PLD3: variants seen among roughly 807,000 people sequenced by gnomAD.
PLD3 encodes the protein phospholipase D family member 3, also known as 5'-3' exonuclease PLD3.
In PLD3, 31 loss-of-function variants were observed where a neutral mutation model predicts 58.4. That is an observed-to-expected ratio of 0.53 (90% CI 0.40 to 0.72). The LOEUF (loss-of-function observed/expected upper bound fraction) is 0.72. Ranked by LOEUF, PLD3 falls within the 30% of genes least tolerant of loss-of-function variation. The pLI is 0.00. For synonymous variants in PLD3, 264 were observed against 273.4 expected, an observed-to-expected ratio of 0.97 and a Z score of 0.34; for missense variants, 595 against 659.8, an observed-to-expected ratio of 0.90 and a Z score of 1.08.
Position 40,367,838 on chromosome 19 carries a change from A to C in PLD3, c.388A>C (p.Thr130Pro), listed in dbSNP as rs1600308253. Residue 130 changes from threonine (T) to proline (P), a missense_variant, in exon 6 of 13, where the codon ACC becomes CCC. Thr to Pro is a conservative substitution (Grantham distance 38). Transcript: ENST00000409735. Reference protein sequence around the residue: ...LDIASFYWTLTNNDTHTQEPS... With the variant: ...LDIASFYWTLPNNDTHTQEPS... ...CATCGCCTCCTTCTACTGGACCCTCACCAACAATGACACCCACACGCAGGA... is the reference window on the plus strand; with the variant it reads ...CATCGCCTCCTTCTACTGGACCCTCCCCAACAATGACACCCACACGCAGGA... The C allele has an allele frequency of 6.3e-7, 1 of 1,580,298 alleles. No individual in the cohort carries two copies. Among genetic ancestry groups the C allele is most frequent in the Non-Finnish European group, 8.6e-7 (1 of 1,164,884 alleles).
intron 1 of PLD3, among the ~76,000 whole-genome samples, chr19:40,351,715 G>A (rs1450422970): frequency 6.6e-6 from 1 of 152,180 alleles, no homozygotes; most frequent in Non-Finnish European, 1.5e-5. Flanking sequence ...TTGGAGGGGT[G>A]ATGGGGCACA....
intron 8 of PLD3, 24 bp downstream of exon 8, chr19:40,370,261 T>C (rs1389937227): frequency 6.2e-7 from 1 of 1,602,616 alleles, no homozygotes; most frequent in East Asian, 2.2e-5. Context: ...CTGTCTACCT[T>C]CCTTCCAGGC....
At chr19:40,366,737 C>A (rs562445834) in intron 4 of PLD3, 36 bp from the exon 5 acceptor site, 2 of 1,613,938 alleles carry the variant, frequency 1.2e-6, no homozygotes, top group Non-Finnish European at 1.7e-6. Flanking sequence ...TGGGCTGCCC[C>A]CCTCGGGCTG....
chr19:40,367,955 G>T (rs2078971029), intron 6 of PLD3, 76 bp downstream of exon 6: 3 of 1,271,678 alleles, frequency 2.4e-6, no homozygotes, highest in Non-Finnish European at 3.2e-6. Context: ...GAATGAAGGG[G>T]TTTCTCCTGC....
chr19:40,375,406 T>C (rs1020856399), intron 10 of PLD3, among the ~76,000 whole-genome samples: 2 of 151,634 alleles, frequency 1.3e-5, no homozygotes, highest in African/African-American at 2.4e-5. Context: ...ATCCCAGCAC[T>C]TTGGGAGGCT....
chr19:40,349,031 CT>C (rs2145646984), intron 1 of PLD3, among the ~76,000 whole-genome samples: 1 of 152,154 alleles, frequency 6.6e-6, no homozygotes, highest in African/African-American at 2.4e-5. Context: ...CACAACTCCT[CT>C]TGTTGTCATC....
chr19:40,366,764 T>A lies in PLD3; in HGVS notation c.103-9T>A, dbSNP rs1283122032. 7 of 1,613,764 alleles carry A rather than the reference T, an allele frequency of 4.3e-6. No individual in the cohort carries two copies. Among genetic ancestry groups the A allele is most frequent in the Non-Finnish European group, 5.9e-6 (7 of 1,179,892 alleles). On this transcript the variant is annotated splice_polypyrimidine_tract_variant and intron_variant, in intron 4 of 12. Coordinates refer to ENST00000409735, the MANE Select transcript of PLD3 (RefSeq NM_012268.4). Reference sequence around the variant, plus strand: ...CTCGGGCTGGCTGACCACCTCCTCCTCCCCACAGAAAGCCCGCTGGGTCCT... The same window carrying A: ...CTCGGGCTGGCTGACCACCTCCTCCACCCCACAGAAAGCCCGCTGGGTCCT...
In PLD3 at chr19:40,371,794, G is replaced by A. The variant is rs376721960; in HGVS notation, c.800G>A (p.Arg267Gln). The A allele has an allele frequency of 1.0e-4, 161 of 1,613,986 alleles. No individual in the cohort carries two copies. The highest frequency in any genetic ancestry group is 1.3e-4 in the Non-Finnish European group (156 of 1,180,030). ...AGSSIPSTWP[R>Q]FYDTRYNQET... ...AGCTCCATCCCATCAACTTGGCCCC[G>A]GTTCTATGACACCCGCTACAACCAA... The change falls in exon 9 of 13, where the codon CGG becomes CAG. Residue 267 changes from arginine (R) to glutamine (Q), a missense_variant. Arg to Gln is a conservative substitution (Grantham distance 43, BLOSUM62 1). Coordinates refer to ENST00000409735, the MANE Select transcript of PLD3 (RefSeq NM_012268.4).
chr19:40,371,966 C>T (rs1425706314), intron 9 of PLD3, 93 bp downstream of exon 9: 6 of 1,022,430 alleles, frequency 5.9e-6, no homozygotes, highest in African/African-American at 1.6e-5. Context: ...ACAGGGAGGG[C>T]GTATCCTGAC....
At chr19:40,370,406 C>G (rs371390278) in intron 8 of PLD3, 169 bp downstream of exon 8, 2 of 688,826 alleles carry the variant, frequency 2.9e-6, no homozygotes, top group East Asian at 2.9e-5. Context: ...TGCACGGTGG[C>G]TCACACCTAT....
chr19:40,366,794 G>T lies in PLD3; in HGVS notation c.124G>T (p.Val42Phe). Residue 42 changes from valine (V) to phenylalanine (F), a missense_variant, in exon 5 of 13, where the codon GTC becomes TTC. Physicochemically the swap from Val to Phe is conservative, Grantham distance 50 (BLOSUM62 -1). Transcript: ENST00000409735. ...AEKKARWVLL[V>F]LILAVVGFGA... The stretch of plus-strand genomic sequence containing the variant: ...ACAGAAAGCCCGCTGGGTCCTGCTG[G>T]TCCTCATTCTGGCGGTTGTGGGCTT... 6.2e-7 allele frequency: 1 copy of T among 1,613,990 alleles called. No individual in the cohort carries two copies. Among genetic ancestry groups the T allele is most frequent in the Non-Finnish European group, 8.5e-7 (1 of 1,179,914 alleles).
At chr19:40,376,297 G>A (rs1021631481) in intron 10 of PLD3, 19 of 277,636 alleles carry the variant, frequency 6.8e-5, no homozygotes, top group Non-Finnish European at 1.2e-4. Flanking sequence ...AGAGGTTGCA[G>A]TGAGCCGAGA....
At chr19:40,372,649 T>G (rs143684404) in intron 9 of PLD3, among the ~76,000 whole-genome samples, 1 of 128,844 alleles carries the variant, frequency 7.8e-6, no homozygotes, top group Admixed American at 8.2e-5. Context: ...TTTTTTTTTT[T>G]GGTCTTATTA....
Position 40,370,291 on chromosome 19 carries a change from C to G in PLD3, c.678+54C>G. 3 of 1,561,294 alleles carry G rather than the reference C, an allele frequency of 1.9e-6. No homozygotes were observed. In the African/African-American group the frequency reaches 4.1e-5, roughly 21 times the overall value. On this transcript the variant is annotated intron_variant, in intron 8 of 12. Coordinates refer to ENST00000409735, the MANE Select transcript of PLD3 (RefSeq NM_012268.4). ...CCAGGCCACTCCCTGCCCCACAGGG[C>G]ACCCAGCCTCCGACTGCATCCCTCA...
At chr19:40,376,502 C>A in intron 10 of PLD3, 107 bp from the exon 11 acceptor site, 2 of 1,085,862 alleles carry the variant, frequency 1.8e-6, no homozygotes, top group Non-Finnish European at 2.7e-6. Context: ...GAAGTCCTCT[C>A]AATAGCTAAA....
chr19:40,369,239 G>C (rs971800183), intron 6 of PLD3, among the ~76,000 whole-genome samples: 1 of 152,080 alleles, frequency 6.6e-6, no homozygotes, highest in African/African-American at 2.4e-5. Context: ...TTCAAATCCT[G>C]CTCCATAGCT....
intron 10 of PLD3, among the ~76,000 whole-genome samples, chr19:40,375,511 G>T (rs920351600): frequency 6.6e-6 from 1 of 151,662 alleles, no homozygotes; most frequent in African/African-American, 2.4e-5. Flanking sequence ...TTAGCCAGGT[G>T]TGGTGGCAGG....
intron 1 of PLD3, among the ~76,000 whole-genome samples, chr19:40,351,443 G>A (rs965008541): frequency 6.6e-6 from 1 of 151,916 alleles, no homozygotes; most frequent in Non-Finnish European, 1.5e-5. Context: ...TATTCAGGAG[G>A]CTGAGGCAGG....
At chr19:40,353,821 G>T (rs961314573) in intron 1 of PLD3, among the ~76,000 whole-genome samples, 6 of 151,828 alleles carry the variant, frequency 4.0e-5, no homozygotes, top group African/African-American at 7.3e-5. Flanking sequence ...CTCATGATCC[G>T]CCCGCCTTGG....
Sources: allele counts gnomAD v4.1 joint callset (sites outside exome capture counted in the v4.1 genomes callset), GRCh38; gene constraint gnomAD v4.1.1; transcripts MANE v1.5; gene names NCBI Gene and HGNC (gene_info 2026-07-23, HGNC 2026-07-21).